Variants in EPHB3 observed in about 807,000 individuals in gnomAD.
EPHB3 encodes the protein ephrin type-B receptor 3.
In EPHB3, 33 loss-of-function variants were observed where a neutral mutation model predicts 100.2. The observed-to-expected ratio is 0.33, with a 90% CI of 0.25 to 0.44. EPHB3 has a LOEUF of 0.44. EPHB3 is among the 20% of genes least tolerant of loss of function. The pLI is 1.00. For missense variants in EPHB3, 1,045 were observed against 1,378.3 expected (o/e 0.76, Z 3.83); for synonymous variants, 526 against 554.7 (o/e 0.95, Z 0.73).
At chr3:184,564,264 G>A (rs986726612) in intron 1 of EPHB3, among the ~76,000 whole-genome samples, 1 of 152,040 alleles carries the variant, frequency 6.6e-6, no homozygotes, top group Non-Finnish European at 1.5e-5. Flanking sequence ...GCCAGCATGG[G>A]ATGCCTCTGG....
chr3:184,569,765 G>T lies in EPHB3; in HGVS notation c.119-1553G>T, dbSNP rs1445457320. Among the ~76,000 whole-genome samples, 1 of 152,268 alleles carries T rather than the reference G, an allele frequency of 6.6e-6. No homozygotes were observed. The highest frequency in any genetic ancestry group is 6.5e-5 in the Admixed American group (1 of 15,290). ...CTCCGCCGTCCTCGGCTCAGACCCA[G>T]CCTCCGGGAAACCACTGAAGGCTGC... On this transcript the variant is annotated intron_variant, in intron 1 of 15. Coordinates refer to ENST00000330394, the MANE Select transcript of EPHB3 (RefSeq NM_004443.4). This position sits in a 1 kb window ranked among gnomAD's most constrained non-coding sequence, Gnocchi z 5.4.
intron 1 of EPHB3, among the ~76,000 whole-genome samples, chr3:184,566,641 G>A (rs1714392672): frequency 6.6e-6 from 1 of 152,172 alleles, no homozygotes; most frequent in Non-Finnish European, 1.5e-5. Context: ...TCCGTGAAGA[G>A]GAGGAGGGTG....
chr3:184,571,012 G>A lies in EPHB3; in HGVS notation c.119-306G>A, dbSNP rs960530882. 1.3e-5 allele frequency among the ~76,000 whole-genome samples: 2 copies of A among 150,772 alleles called. No homozygotes were observed. The highest frequency in any genetic ancestry group is 2.4e-5 in the African/African-American group (1 of 40,988). On this transcript the variant is annotated intron_variant, in intron 1 of 15. Coordinates refer to ENST00000330394, the MANE Select transcript of EPHB3 (RefSeq NM_004443.4). The surrounding 1 kb of genome is among the most constrained non-coding windows in gnomAD (Gnocchi z 5.0). ...TCTCTGTTGCCCAGGGTGGAGTGCA[G>A]TAGTGCAATCTCGGCTCACTGCAAC...
In EPHB3 at chr3:184,572,422, T is replaced by G; in HGVS notation, c.184-82T>G. On this transcript the variant is annotated intron_variant, in intron 2 of 15. Transcript: ENST00000330394. The surrounding 1 kb of genome is among the most constrained non-coding windows in gnomAD (Gnocchi z 6.6). ...ACACCATAGAAGCATCCCTGTGAAG[T>G]AAATAGAGCAGATCTGGGCACGAGG... 3.5e-6 allele frequency: 5 copies of G among 1,440,268 alleles called. No homozygotes were observed. The highest frequency in any genetic ancestry group is 4.6e-6 in the Non-Finnish European group (5 of 1,088,856). The allele number at this position is 1,440,268 out of a possible 1,614,324, so 89.2% of individuals were successfully genotyped here. A position where few individuals can be genotyped will look rare whatever the true frequency, so the allele number is the denominator to read the frequency against.
In EPHB3 at chr3:184,577,203, G is replaced by T. The variant is rs1466793715; in HGVS notation, c.1354+20G>T. Reference sequence around the variant, plus strand: ...AGGCTGGTGAGGAGGGGACACTGGAGGGTAGGGCCTGGGTCACTTTCTCCT... The same window carrying T: ...AGGCTGGTGAGGAGGGGACACTGGATGGTAGGGCCTGGGTCACTTTCTCCT... On this transcript the variant is annotated intron_variant, in intron 5 of 15. Transcript: ENST00000330394. This position sits in a 1 kb window ranked among gnomAD's most constrained non-coding sequence, Gnocchi z 4.9. The T allele has an allele frequency of 6.3e-7, 1 of 1,580,648 alleles. No individual in the cohort carries two copies. The highest frequency in any genetic ancestry group is 1.2e-5 in the South Asian group (1 of 86,268).
At position 184,571,493 on chromosome 3, in the gene EPHB3, C is replaced by A; in HGVS notation, c.183+111C>A. 1 of 1,123,760 alleles carries A rather than the reference C, an allele frequency of 8.9e-7. No individual in the cohort carries two copies. Among genetic ancestry groups the A allele is most frequent in the Non-Finnish European group, 1.3e-6 (1 of 755,456 alleles). 69.6% of individuals were successfully genotyped at this position (1,123,760 alleles called of 1,614,324 possible). A position where few individuals can be genotyped will look rare whatever the true frequency, so the allele number is the denominator to read the frequency against. The stretch of plus-strand genomic sequence containing the variant: ...GGGCCTGGAGGAGGGCTGCCTCTGC[C>A]CTCTGCCTGTCACCCTCACTTCCTG... On this transcript the variant is annotated intron_variant, in intron 2 of 15. Transcript: ENST00000330394. The surrounding 1 kb of genome is among the most constrained non-coding windows in gnomAD (Gnocchi z 5.0).
rs1460183973 is a variant in EPHB3, at chr3:184,562,910, A to C, written c.118+557A>C. Among the ~76,000 whole-genome samples, 1 of 152,184 alleles carries C rather than the reference A, an allele frequency of 6.6e-6. No individual in the cohort carries two copies. Among genetic ancestry groups the C allele is most frequent in the African/African-American group, 2.4e-5 (1 of 41,454 alleles). On this transcript the variant is annotated intron_variant, in intron 1 of 15. Transcript: ENST00000330394. The surrounding 1 kb of genome is among the most constrained non-coding windows in gnomAD (Gnocchi z 4.8). Reference sequence around the variant, plus strand: ...GTTTACCGGGCGCCAATTACACCCGAGGTGCTGTATGGGCGGGCCCCCGCA... The same window carrying C: ...GTTTACCGGGCGCCAATTACACCCGCGGTGCTGTATGGGCGGGCCCCCGCA...
In EPHB3 at chr3:184,572,706, C is replaced by A. The variant is rs749005451; in HGVS notation, c.386C>A (p.Thr129Asn). 1 of 1,612,666 alleles carries A rather than the reference C, an allele frequency of 6.2e-7. No homozygotes were observed. The highest frequency in any genetic ancestry group is 8.5e-7 in the Non-Finnish European group (1 of 1,179,550). ...AACATCCCCGGCTCCTGCAAGGAGACCTTCAACCTCTTCTACTACGAGGCT... is the reference window on the plus strand; with the variant it reads ...AACATCCCCGGCTCCTGCAAGGAGAACTTCAACCTCTTCTACTACGAGGCT... ...IPNIPGSCKETFNLFYYEADS... is the reference protein window; with the variant it reads ...IPNIPGSCKENFNLFYYEADS... The change falls in exon 3 of 16, where the codon ACC (threonine) becomes AAC (asparagine). Residue 129 changes from threonine to asparagine, a missense_variant. By Grantham distance (65) the Thr-to-Asn change is moderately conservative. Around this residue, in one of 2 missense-constraint regions of EPHB3, gnomAD observed 985 missense variants for 1,331.1 expected, o/e 0.74. Coordinates refer to ENST00000330394, the MANE Select transcript of EPHB3 (RefSeq NM_004443.4). This position sits in a 1 kb window ranked among gnomAD's most constrained non-coding sequence, Gnocchi z 6.6.
chr3:184,580,322 A>G, intron 11 of EPHB3, 80 bp from the exon 12 acceptor site: 5 of 1,567,698 alleles, frequency 3.2e-6, no homozygotes, highest in Non-Finnish European at 4.4e-6. Flanking sequence ...GAGTCTGAGT[A>G]CTCGGAGAGG....
rs1560065935 is a variant in EPHB3 at position 184,581,569 on chromosome 3, A to T, written c.2944A>T (p.Ser982Cys). ...CGGCCACCAGAAGAAGATCCTGAGC[A>T]GTATCCAGGACATGCGGCTGCAGAT... The part of the protein sequence containing the change: ...LAGHQKKILS[S>C]IQDMRLQMNQ... Residue 982 changes from serine to cysteine, a missense_variant, in exon 16 of 16, where the codon AGT (serine) becomes TGT (cysteine). By Grantham distance (112) the Ser-to-Cys change is moderately radical. Coordinates refer to ENST00000330394, the MANE Select transcript of EPHB3 (RefSeq NM_004443.4). The T allele has an allele frequency of 6.2e-7, 1 of 1,613,924 alleles. No individual in the cohort carries two copies. The highest frequency in any genetic ancestry group is 8.5e-7 in the Non-Finnish European group (1 of 1,179,968).
At position 184,581,551 on chromosome 3, in the gene EPHB3, CAGA is replaced by C. The variant is rs1560065918; in HGVS notation, c.2933_2935del (p.Lys978del). 1.2e-6 allele frequency: 2 copies of C among 1,613,972 alleles called. No homozygotes were observed. The highest frequency in any genetic ancestry group is 1.7e-5 in the Admixed American group (1 of 60,022). ...TATTGGGGTCACCCTGGCCGGCCACCAGAAGAAGATCCTGAGCAGTATCCAGGA... is the reference window on the plus strand; with the variant it reads ...TATTGGGGTCACCCTGGCCGGCCACCAGAAGATCCTGAGCAGTATCCAGGA... On this transcript the variant is annotated inframe_deletion, in exon 16 of 16. Transcript: ENST00000330394.
Position 184,580,822 on chromosome 3 carries a change from A to G in EPHB3, c.2482A>G (p.Met828Val). Residue 828 changes from methionine (M) to valine (V), a missense_variant, in exon 13 of 16, where the codon ATG becomes GTG. Coordinates refer to ENST00000330394, the MANE Select transcript of EPHB3 (RefSeq NM_004443.4). The stretch of plus-strand genomic sequence containing the variant: ...TGATGTCTGGAGCTACGGAATTGTC[A>G]TGTGGGAGGTCATGAGCTATGGAGA... ...ASDVWSYGIV[M>V]WEVMSYGERP... 1 of 1,614,192 alleles carries G rather than the reference A, an allele frequency of 6.2e-7. No homozygotes were observed. Among genetic ancestry groups the G allele is most frequent in the Non-Finnish European group, 8.5e-7 (1 of 1,180,010 alleles).
At position 184,578,162 on chromosome 3, in the gene EPHB3, T is replaced by A; in HGVS notation, c.1748+156T>A. The stretch of plus-strand genomic sequence containing the variant: ...CCGTTGCTGGAGAAGCCCTCTCCCA[T>A]CCCTGCCTGTGTCTTCATCCCGCCC... On this transcript the variant is annotated intron_variant, in intron 8 of 15. Transcript: ENST00000330394. The surrounding 1 kb of genome is among the most constrained non-coding windows in gnomAD (Gnocchi z 4.7). 1.1e-6 allele frequency: 1 copy of A among 899,502 alleles called. No individual in the cohort carries two copies. The highest frequency in any genetic ancestry group is 2.7e-5 in the East Asian group (1 of 37,546). The allele number at this position is 899,502 out of a possible 1,614,324, so 55.7% of individuals were successfully genotyped here. A position where few individuals can be genotyped will look rare whatever the true frequency, so the allele number is the denominator to read the frequency against.
At position 184,577,754 on chromosome 3, in the gene EPHB3, C is replaced by T. The variant is rs1560062139; in HGVS notation, c.1576C>T (p.Arg526Cys). Residue 526 changes from arginine to cysteine, a missense_variant, in exon 7 of 16, where the codon CGC becomes TGC. By Grantham distance (180) the Arg-to-Cys change is radical. Coordinates refer to ENST00000330394, the MANE Select transcript of EPHB3 (RefSeq NM_004443.4). This position sits in a 1 kb window ranked among gnomAD's most constrained non-coding sequence, Gnocchi z 4.9. ...CCGCTATGTGGTCCAGGTCCGTGCCCGCACAGTAGCTGGCTATGGGCAGTA... is the reference window on the plus strand; with the variant it reads ...CCGCTATGTGGTCCAGGTCCGTGCCTGCACAGTAGCTGGCTATGGGCAGTA... ...DARYVVQVRA[R>C]TVAGYGQYSR... 14 of 1,611,544 alleles carry T rather than the reference C, an allele frequency of 8.7e-6. No individual in the cohort carries two copies. The highest frequency in any genetic ancestry group is 1.7e-5 in the Admixed American group (1 of 59,898).
Position 184,573,239 on chromosome 3 carries a change from C to A in EPHB3, c.856+63C>A. On this transcript the variant is annotated intron_variant, in intron 3 of 15. Transcript: ENST00000330394. This position sits in a 1 kb window ranked among gnomAD's most constrained non-coding sequence, Gnocchi z 4.5. ...GGGCCTGGGCCACAGCTACCTACCG[C>A]CCCGCCCCCCACCCCTGCTTGCTAT... is the stretch of plus-strand genomic sequence containing the variant. 3.2e-6 allele frequency: 5 copies of A among 1,583,482 alleles called. No homozygotes were observed. The highest frequency in any genetic ancestry group is 3.4e-6 in the Non-Finnish European group (4 of 1,168,938).
Position 184,581,834 on chromosome 3 carries a change from G to A in EPHB3, c.*212G>A, listed in dbSNP as rs1714831225. The A allele has an allele frequency of 5.5e-6, 3 of 546,060 alleles. No homozygotes were observed. The highest frequency in any genetic ancestry group is 3.6e-5 in the Admixed American group (1 of 27,938). The allele number at this position is 546,060 out of a possible 1,614,324, so 33.8% of individuals were successfully genotyped here. On this transcript the variant is annotated 3_prime_UTR_variant, in exon 16 of 16. Transcript: ENST00000330394. ...TTCATATTGAAGATGGATTAGGAGA[G>A]GGGGTGATGACCCCTCCCCAAGCCC...
chr3:184,581,883 C>T lies in EPHB3; in HGVS notation c.*261C>T, dbSNP rs538583241. 5 of 421,614 alleles carry T rather than the reference C, an allele frequency of 1.2e-5. No homozygotes were observed. Among genetic ancestry groups the T allele is most frequent in the South Asian group, 9.3e-5 (2 of 21,434 alleles). 26.1% of individuals were successfully genotyped at this position (421,614 alleles called of 1,614,324 possible). A position where few individuals can be genotyped will look rare whatever the true frequency, so the allele number is the denominator to read the frequency against. ...CCCTCAGGGCCCAGACCTTCCTGCTCTCCAGCAGGGGATCCCCACAACCTC... is the reference window on the plus strand; with the variant it reads ...CCCTCAGGGCCCAGACCTTCCTGCTTTCCAGCAGGGGATCCCCACAACCTC... On this transcript the variant is annotated 3_prime_UTR_variant, in exon 16 of 16. Transcript: ENST00000330394.
rs539235549 is a variant in EPHB3 at position 184,577,211 on chromosome 3, C to T, written c.1354+28C>T. On this transcript the variant is annotated intron_variant, in intron 5 of 15. Transcript: ENST00000330394. The surrounding 1 kb of genome is among the most constrained non-coding windows in gnomAD (Gnocchi z 4.9). ...GAGGAGGGGACACTGGAGGGTAGGG[C>T]CTGGGTCACTTTCTCCTGGATGAGG... 15 of 1,576,210 alleles carry T rather than the reference C, an allele frequency of 9.5e-6. No individual in the cohort carries two copies. In the African/African-American group the frequency reaches 1.9e-4, roughly 20 times the overall value.
rs1714687477 is a variant in EPHB3 at position 184,576,829 on chromosome 3, AT to A, written c.1013-12del. 6.5e-7 allele frequency: 1 copy of A among 1,529,862 alleles called. No individual in the cohort carries two copies. Among genetic ancestry groups the A allele is most frequent in the Admixed American group, 2.0e-5 (1 of 49,398 alleles). 94.8% of individuals were successfully genotyped at this position (1,529,862 alleles called of 1,614,324 possible). A position where few individuals can be genotyped will look rare whatever the true frequency, so the allele number is the denominator to read the frequency against. On this transcript the variant is annotated splice_polypyrimidine_tract_variant and intron_variant, in intron 4 of 15. Coordinates refer to ENST00000330394, the MANE Select transcript of EPHB3 (RefSeq NM_004443.4). ...CCCCAGCTCACTACCTTCTCCCTCC[AT>A]ATTCCTCACAGCCGTGCCATCTCCA...
Sources: allele counts gnomAD v4.1 joint callset (sites outside exome capture counted in the v4.1 genomes callset), GRCh38; gene constraint gnomAD v4.1.1; regional missense constraint gnomAD v4.1.1; non-coding constraint Gnocchi (gnomAD v3.1); transcripts MANE v1.5; gene names NCBI Gene and HGNC (gene_info 2026-07-23, HGNC 2026-07-21).